The following CADM2 variants were observed in gnomAD, a reference collection of about 807,000 sequenced individuals.
The protein encoded by CADM2 is cell adhesion molecule 2.
Under a neutral mutation model 49.8 loss-of-function variants are expected in CADM2, and 12 were observed. The observed-to-expected ratio is 0.24, with a 90% CI of 0.15 to 0.39. The LOEUF (loss-of-function observed/expected upper bound fraction) is 0.39. CADM2 is among the 10% of genes least tolerant of loss of function. The probability of loss-of-function intolerance (pLI) is 1.00; values close to 1 mark genes in which losing one functional copy is unlikely to be tolerated. For missense variants in CADM2, 378 were observed against 492.3 expected, an observed-to-expected ratio of 0.77 and a Z score of 2.20; for synonymous variants, 214 against 175.4, an observed-to-expected ratio of 1.22 and a Z score of -1.74.
rs188951486 is a variant in CADM2 at position 85,548,846 on chromosome 3, G to A, written c.62-177676G>A. Among the ~76,000 whole-genome samples, 5 of 152,288 alleles carry A rather than the reference G, an allele frequency of 3.3e-5. No individual in the cohort carries two copies. In the East Asian group the frequency reaches 7.7e-4, roughly 24 times the overall value. On this transcript the variant is annotated intron_variant, in intron 1 of 9. Transcript: ENST00000383699. ...AAATGTGAACACGAAGGAGAAAGGT[G>A]TCTAATAAAGTAAGTGGCAAATGTG...
At chr3:85,199,733 A>G (rs2041445101) in intron 1 of CADM2, among the ~76,000 whole-genome samples, 1 of 152,044 alleles carries the variant, frequency 6.6e-6, no homozygotes, top group Non-Finnish European at 1.5e-5. Flanking sequence ...TAAAATTTCT[A>G]ACTTCAAGTC....
intron 1 of CADM2, among the ~76,000 whole-genome samples, chr3:85,565,753 C>A (rs923191500): frequency 6.6e-6 from 1 of 151,864 alleles, no homozygotes; most frequent in African/African-American, 2.4e-5. Flanking sequence ...ATTTGAAAAT[C>A]CAGTGAGATT....
intron 8 of CADM2, chr3:86,013,607 A>G (rs1383922413): frequency 6.3e-7 from 1 of 1,599,886 alleles, no homozygotes; most frequent in Non-Finnish European, 8.5e-7. Context: ...AAGAGAGAGA[A>G]TCACACTTCT....
At chr3:85,111,766 A>G (rs959375521) in intron 1 of CADM2, among the ~76,000 whole-genome samples, 15 of 151,944 alleles carry the variant, frequency 9.9e-5, no homozygotes, top group Non-Finnish European at 1.5e-5. Flanking sequence ...GATTATTTGT[A>G]ACTCAAAGTA....
intron 3 of CADM2, among the ~76,000 whole-genome samples, chr3:85,848,032 G>A (rs887692049): frequency 7.2e-5 from 11 of 151,730 alleles, no homozygotes; most frequent in East Asian, 3.9e-4. Flanking sequence ...TTTATCATTC[G>A]ATAGTCAATT....
At chr3:85,332,429 A>C (rs896702766) in intron 1 of CADM2, among the ~76,000 whole-genome samples, 20 of 151,984 alleles carry the variant, frequency 1.3e-4, no homozygotes, top group African/African-American at 4.6e-4. Context: ...GTAGGCTGAC[A>C]CAGAGGGATC....
chr3:85,719,358 GT>G, intron 1 of CADM2, among the ~76,000 whole-genome samples: 1 of 152,206 alleles, frequency 6.6e-6, no homozygotes, highest in East Asian at 1.9e-4. Flanking sequence ...CAACATGGGG[GT>G]TAGGGCCACT....
At chr3:85,071,975 AAT>A (rs1279571442) in intron 1 of CADM2, among the ~76,000 whole-genome samples, 2 of 150,472 alleles carry the variant, frequency 1.3e-5, no homozygotes, top group Admixed American at 6.6e-5. Context: ...ATATAATACA[AAT>A]ATATATATAT....
At chr3:85,609,267 T>G (rs1559940938) in intron 1 of CADM2, among the ~76,000 whole-genome samples, 3 of 152,150 alleles carry the variant, frequency 2.0e-5, no homozygotes, top group Non-Finnish European at 4.4e-5. Flanking sequence ...CATGCACCTG[T>G]CTAGTCCATG....
chr3:85,341,066 T>C (rs2045227193), intron 1 of CADM2, among the ~76,000 whole-genome samples: 1 of 151,784 alleles, frequency 6.6e-6, no homozygotes, highest in Non-Finnish European at 1.5e-5. Flanking sequence ...AATTAATATT[T>C]ATTTTTCAAG....
chr3:84,997,895 C>G (rs2033261430), intron 1 of CADM2, among the ~76,000 whole-genome samples: 1 of 152,064 alleles, frequency 6.6e-6, no homozygotes, highest in Non-Finnish European at 1.5e-5. Flanking sequence ...TGAGGGAAAA[C>G]TATTCTAAAA....
chr3:85,229,395 G>C (rs143174371), intron 1 of CADM2, among the ~76,000 whole-genome samples: 5 of 152,102 alleles, frequency 3.3e-5, no homozygotes, highest in Admixed American at 3.3e-4. Flanking sequence ...GAAATCTCCC[G>C]ACCCCTTGTG....
At chr3:85,156,965 T>G (rs1417564004) in intron 1 of CADM2, among the ~76,000 whole-genome samples, 3 of 152,118 alleles carry the variant, frequency 2.0e-5, no homozygotes, top group Non-Finnish European at 2.9e-5. Context: ...AAAATCTCCT[T>G]AAGCTGATAA....
At chr3:85,629,435 T>C (rs1157176369) in intron 1 of CADM2, among the ~76,000 whole-genome samples, 1 of 151,778 alleles carries the variant, frequency 6.6e-6, no homozygotes, top group Non-Finnish European at 1.5e-5. Flanking sequence ...TCAATAATAC[T>C]GAGAACAATG....
chr3:85,129,028 T>C (rs2039134818), intron 1 of CADM2, among the ~76,000 whole-genome samples: 1 of 152,224 alleles, frequency 6.6e-6, no homozygotes, highest in East Asian at 1.9e-4. Context: ...TTTTCTTTCT[T>C]GGGGTGTGTG....
At chr3:85,215,372 AAAAAAAAAAAG>A (rs1473763945) in intron 1 of CADM2, among the ~76,000 whole-genome samples, 5 of 151,390 alleles carry the variant, frequency 3.3e-5, no homozygotes, top group African/African-American at 1.2e-4. Flanking sequence ...AAAAAAAAAA[AAAAAAAAAAAG>A]AAAAAAACTT....
intron 1 of CADM2, among the ~76,000 whole-genome samples, chr3:85,197,906 T>A (rs2041384242): frequency 6.6e-6 from 1 of 151,912 alleles, no homozygotes; most frequent in South Asian, 2.1e-4. Context: ...CATGGATTCA[T>A]CATTCATATG....
chr3:84,990,257 G>A (rs982478791), intron 1 of CADM2, among the ~76,000 whole-genome samples: 4 of 151,328 alleles, frequency 2.6e-5, no homozygotes, highest in African/African-American at 9.7e-5. Context: ...GAGTTTCTTA[G>A]TATTTTAAGT....
At position 85,708,444 on chromosome 3, in the gene CADM2, C is replaced by T. The variant is rs551214162; in HGVS notation, c.62-18078C>T. ...GTCAGGGTATTGCACCTCAACAAGCCGCAGTCTTTAGTTTGTGATTGCTAC... is the reference window on the plus strand; with the variant it reads ...GTCAGGGTATTGCACCTCAACAAGCTGCAGTCTTTAGTTTGTGATTGCTAC... On this transcript the variant is annotated intron_variant, in intron 1 of 9. Coordinates refer to ENST00000383699, the MANE Select transcript of CADM2 (RefSeq NM_001167675.2). Among the ~76,000 whole-genome samples, 31 of 152,088 alleles carry T rather than the reference C, an allele frequency of 2.0e-4. 1 individual carries two copies. The highest frequency in any genetic ancestry group is 5.5e-4 in the African/African-American group (23 of 41,522).
Sources: gnomAD v4.1 joint callset for allele counts (sites outside exome capture counted in the v4.1 genomes callset) on GRCh38, gnomAD v4.1.1 for gene constraint, MANE v1.5 for transcripts, NCBI Gene and HGNC (gene_info 2026-07-23, HGNC 2026-07-21) for gene names.